ITCH: variants seen among roughly 807,000 people sequenced by gnomAD.
ITCH encodes E3 ubiquitin-protein ligase Itchy homolog.
Under a neutral mutation model 126.8 loss-of-function variants are expected in ITCH, and 28 were observed. The observed-to-expected ratio is 0.22, with a 90% CI of 0.16 to 0.30. ITCH has a LOEUF of 0.30. Ranked by LOEUF, ITCH falls within the 10% of genes least tolerant of loss-of-function variation. The pLI is 1.00. For synonymous variants in ITCH, 342 were observed against 340.0 expected (o/e 1.01, Z -0.06); for missense variants, 631 against 1,032.4 (o/e 0.61, Z 5.33).
rs1978582257 is a variant in ITCH, at chr20:34,509,884, TTA to T, written c.*2091_*2092del. On this transcript the variant is annotated 3_prime_UTR_variant, in exon 25 of 25. Transcript: ENST00000374864. The stretch of plus-strand genomic sequence containing the variant: ...CAATATTTACTAGAGATTTATGAAA[TTA>T]AATTAAGAGATAATGTAAGAAAATA... 1 of 151,212 alleles carries T rather than the reference TTA, an allele frequency of 6.6e-6. No homozygotes were observed. Among genetic ancestry groups the T allele is most frequent in the African/African-American group, 2.4e-5 (1 of 41,072 alleles). The allele number at this position is 151,212 out of a possible 1,614,324, so 9.4% of individuals were successfully genotyped here.
chr20:34,466,063 T>C (rs1216676586), intron 14 of ITCH, among the ~76,000 whole-genome samples: 4 of 152,140 alleles, frequency 2.6e-5, no homozygotes, highest in Non-Finnish European at 4.4e-5. Flanking sequence ...TTTTATTATA[T>C]TGAGGTAGTT....
chr20:34,375,696 A>ATTTTTT lies in ITCH; in HGVS notation c.-22+6256_-22+6261dup, dbSNP rs5841171. 2.9e-4 allele frequency among the ~76,000 whole-genome samples: 19 copies of ATTTTTT among 65,554 alleles called. 1 individual carries two copies. The highest frequency in any genetic ancestry group is 3.2e-4 in the Non-Finnish European group (12 of 37,486). The allele number at this position is 65,554 out of a possible 152,430, so 43.0% of individuals were successfully genotyped here. A position where few individuals can be genotyped will look rare whatever the true frequency, so the allele number is the denominator to read the frequency against. ...CACTCACAATGTATTGGTAGTTAAAATTTTTTTTTTTTTTTTTTTTTTTTT... is the reference window on the plus strand; with the variant it reads ...CACTCACAATGTATTGGTAGTTAAAATTTTTTTTTTTTTTTTTTTTTTTTTTTTTTT... On this transcript the variant is annotated intron_variant, in intron 2 of 24. Coordinates refer to ENST00000374864, the MANE Select transcript of ITCH (RefSeq NM_031483.7).
At chr20:34,448,360 T>C (rs1984729463) in intron 11 of ITCH, among the ~76,000 whole-genome samples, 1 of 151,526 alleles carries the variant, frequency 6.6e-6, no homozygotes, top group South Asian at 2.1e-4. Context: ...GCCACTGTAC[T>C]CCAGCCTGGG....
rs5841171 is a variant in ITCH at position 34,375,696 on chromosome 20, A to ATTTTTTTTTTTT, written c.-22+6250_-22+6261dup. ...CACTCACAATGTATTGGTAGTTAAA[A>ATTTTTTTTTTTT]TTTTTTTTTTTTTTTTTTTTTTTTT... On this transcript the variant is annotated intron_variant, in intron 2 of 24. Transcript: ENST00000374864. 3.1e-4 allele frequency among the ~76,000 whole-genome samples: 20 copies of ATTTTTTTTTTTT among 65,552 alleles called. 2 individuals are homozygous for ATTTTTTTTTTTT. Among genetic ancestry groups the ATTTTTTTTTTTT allele is most frequent in the African/African-American group, 7.3e-4 (10 of 13,684 alleles). The allele number at this position is 65,552 out of a possible 152,430, so 43.0% of individuals were successfully genotyped here.
At chr20:34,490,092 C>CTA (rs1181739012) in intron 22 of ITCH, among the ~76,000 whole-genome samples, 166 bp downstream of exon 22, 2 of 152,178 alleles carry the variant, frequency 1.3e-5, no homozygotes, top group African/African-American at 4.8e-5. Context: ...CCTTTTAAGA[C>CTA]TATTGCCAAG....
At chr20:34,363,935 C>T (rs578224756) in intron 1 of ITCH, among the ~76,000 whole-genome samples, 1 of 152,314 alleles carries the variant, frequency 6.6e-6, no homozygotes, top group African/African-American at 2.4e-5. Context: ...TCCCCGACGT[C>T]CGCCACCGTC....
chr20:34,474,815 C>CG (rs1987996583), intron 16 of ITCH, among the ~76,000 whole-genome samples: 5 of 151,812 alleles, frequency 3.3e-5, no homozygotes, highest in African/African-American at 9.7e-5. Flanking sequence ...ACCTCCCTCC[C>CG]GGACAGGGTG....
intron 1 of ITCH, among the ~76,000 whole-genome samples, chr20:34,365,684 G>A (rs1032275559): frequency 6.6e-6 from 1 of 152,152 alleles, no homozygotes; most frequent in Non-Finnish European, 1.5e-5. Context: ...CAAAGTGCTG[G>A]GTTTACAGGC....
chr20:34,408,781 A>G lies in ITCH; in HGVS notation c.201A>G (p.Gln67=), dbSNP rs1181755584. ...CNNTNSPKWK[Q]PLTVIVTPVS... is the part of the protein sequence containing the mutation. The stretch of plus-strand genomic sequence containing the variant: ...ACACAAACAGTCCCAAGTGGAAGCA[A>G]CCCCTTACAGTGTAAGCTTGGAAGT... The change falls in exon 4 of 25, where the codon CAA becomes CAG. Residue 67 remains glutamine, a synonymous_variant. Transcript: ENST00000374864. 1.9e-6 allele frequency: 3 copies of G among 1,613,940 alleles called. No homozygotes were observed. The East Asian group carries it at 6.7e-5, about 36-fold the overall frequency.
intron 13 of ITCH, 75 bp downstream of exon 13, chr20:34,457,549 G>A (rs925237848): frequency 2.9e-6 from 3 of 1,040,872 alleles, no homozygotes; most frequent in African/African-American, 3.1e-5. Context: ...GAAGATCAAA[G>A]TTCATATTCT....
chr20:34,490,777 G>A (rs989983629), intron 22 of ITCH, among the ~76,000 whole-genome samples: 3 of 152,190 alleles, frequency 2.0e-5, no homozygotes, highest in African/African-American at 4.8e-5. Flanking sequence ...TAGTTTGGTG[G>A]TTCCTCAAAA....
rs533655063 is a variant in ITCH, at chr20:34,469,449, C to T, written c.1425-599C>T. 5.3e-5 allele frequency among the ~76,000 whole-genome samples: 8 copies of T among 152,096 alleles called. No individual in the cohort carries two copies. In the East Asian group the frequency reaches 7.7e-4, roughly 15 times the overall value. ...GATTAGAGGCACCTGCCACCACACC[C>T]GGCTAATTTTTATAATTTTTAGTAG... On this transcript the variant is annotated intron_variant, in intron 14 of 24. Coordinates refer to ENST00000374864, the MANE Select transcript of ITCH (RefSeq NM_031483.7).
chr20:34,369,873 G>T (rs1555846459), intron 2 of ITCH, among the ~76,000 whole-genome samples: 1 of 152,080 alleles, frequency 6.6e-6, no homozygotes, highest in East Asian at 1.9e-4. Flanking sequence ...TGGGGCGAAG[G>T]TGGGAGGATC....
At chr20:34,374,433 A>G (rs2037757904) in intron 2 of ITCH, among the ~76,000 whole-genome samples, 1 of 152,206 alleles carries the variant, frequency 6.6e-6, no homozygotes, top group South Asian at 2.1e-4. Context: ...TGGGAATAGT[A>G]ATAGCATATA....
At chr20:34,479,003 G>A (rs1366212256) in intron 17 of ITCH, among the ~76,000 whole-genome samples, 7 of 152,062 alleles carry the variant, frequency 4.6e-5, no homozygotes, top group Admixed American at 2.0e-4. Context: ...CCCATGTTAC[G>A]TAGTTTTAGT....
At chr20:34,410,027 C>T (rs1456775032) in intron 4 of ITCH, among the ~76,000 whole-genome samples, 1 of 147,410 alleles carries the variant, frequency 6.8e-6, no homozygotes, top group South Asian at 2.2e-4. Context: ...GGCAATGTAG[C>T]GAGACCCTGT....
At chr20:34,474,983 G>A (rs545506464) in intron 16 of ITCH, among the ~76,000 whole-genome samples, 9 of 151,920 alleles carry the variant, frequency 5.9e-5, no homozygotes, top group Non-Finnish European at 7.4e-5. Context: ...AGACGGGGTC[G>A]CGGCTGGGCA....
chr20:34,416,517 T>G (rs771184205), intron 6 of ITCH, among the ~76,000 whole-genome samples: 1 of 152,192 alleles, frequency 6.6e-6, no homozygotes, highest in African/African-American at 2.4e-5. Flanking sequence ...GTTTGGACCT[T>G]TGGGGGGAAA....
intron 6 of ITCH, among the ~76,000 whole-genome samples, chr20:34,414,535 C>T (rs1363918656): frequency 3.6e-5 from 5 of 137,488 alleles, no homozygotes; most frequent in Non-Finnish European, 6.1e-5. Context: ...GGCACGATTT[C>T]GGCTCACCGC....
Sources: gnomAD v4.1 joint callset for allele counts (sites outside exome capture counted in the v4.1 genomes callset) on GRCh38, gnomAD v4.1.1 for gene constraint, MANE v1.5 for transcripts, NCBI Gene and HGNC (gene_info 2026-07-23, HGNC 2026-07-21) for gene names.